The following CDC42BPG variants were observed in gnomAD, a reference collection of about 807,000 sequenced individuals.
CDC42BPG encodes CDC42 binding protein kinase gamma.
Under a neutral mutation model 192.2 loss-of-function variants are expected in CDC42BPG, and 157 were observed. The ratio of observed to expected loss-of-function variants is 0.82; its 90% confidence interval spans 0.72 to 0.93. The LOEUF is 0.93. CDC42BPG is among the 40% of genes least tolerant of loss of function. The pLI is 0.00. For missense variants in CDC42BPG, 1,992 were observed against 2,122.1 expected (o/e 0.94, Z 1.20); for synonymous variants, 981 against 918.5 (o/e 1.07, Z -1.23).
In CDC42BPG at chr11:64,839,154, T is replaced by C. The variant is rs780721371; in HGVS notation, c.755A>G (p.His252Arg). The C allele has an allele frequency of 3.1e-6, 5 of 1,613,508 alleles. No homozygotes were observed. Among genetic ancestry groups the C allele is most frequent in the Non-Finnish European group, 4.2e-6 (5 of 1,180,028 alleles). The change falls in exon 7 of 37, where the codon CAC becomes CGC. Residue 252 changes from histidine (H) to arginine (R), a missense_variant. His to Arg is a conservative substitution (Grantham distance 29, BLOSUM62 0). Around this residue, in one of 2 missense-constraint regions of CDC42BPG, gnomAD observed 1,656 missense variants for 1,844.3 expected, o/e 0.90. Coordinates refer to ENST00000342711, the MANE Select transcript of CDC42BPG (RefSeq NM_017525.3). ...CCACCAGTCACACTGTGGGCCGTAG[T>C]GGCCCTTGCCCTCCTCCATGGCCTG... ...ILQAMEEGKGHYGPQCDWWSL... is the reference protein window; with the variant it reads ...ILQAMEEGKGRYGPQCDWWSL...
intron 20 of CDC42BPG, 90 bp downstream of exon 20, chr11:64,834,175 AC>A: frequency 7.0e-7 from 1 of 1,424,252 alleles, no homozygotes; most frequent in Non-Finnish European, 9.5e-7. Context: ...TCCTGTCTCC[AC>A]CACCCTGCCA....
chr11:64,844,390 C>A lies in CDC42BPG; in HGVS notation c.160+20G>T. 1 of 1,382,894 alleles carries A rather than the reference C, an allele frequency of 7.2e-7. No homozygotes were observed. Among genetic ancestry groups the A allele is most frequent in the South Asian group, 1.6e-5 (1 of 63,072 alleles). 85.7% of individuals were successfully genotyped at this position (1,382,894 alleles called of 1,614,324 possible). ...GATATCCCTAGGCCCGCCCCCGCTC[C>A]GTGCCGCCCCGCCACTCACCCCAGC... On this transcript the variant is annotated intron_variant, in intron 1 of 36. Coordinates refer to ENST00000342711, the MANE Select transcript of CDC42BPG (RefSeq NM_017525.3).
At position 64,839,977 on chromosome 11, in the gene CDC42BPG, T is replaced by C. The variant is rs1421620124; in HGVS notation, c.581+143A>G. 4.8e-6 allele frequency: 4 copies of C among 838,354 alleles called. No homozygotes were observed. The East Asian group carries it at 1.1e-4, about 22-fold the overall frequency. 51.9% of individuals were successfully genotyped at this position (838,354 alleles called of 1,614,324 possible). On this transcript the variant is annotated intron_variant, in intron 5 of 36. Coordinates refer to ENST00000342711, the MANE Select transcript of CDC42BPG (RefSeq NM_017525.3). The stretch of plus-strand genomic sequence containing the variant: ...GCCACAGAGGGCTCTTTGGTATGAT[T>C]CCAAGGAAGCACACGGATGAGGCAC...
intron 1 of CDC42BPG, among the ~76,000 whole-genome samples, chr11:64,843,066 G>A (rs1270139130): frequency 1.3e-5 from 2 of 152,064 alleles, no homozygotes; most frequent in African/African-American, 4.8e-5. Context: ...GGACCCACCC[G>A]CCAGAAGAGG....
At chr11:64,837,426 C>A (rs1306906843) in intron 9 of CDC42BPG, among the ~76,000 whole-genome samples, 1 of 152,162 alleles carries the variant, frequency 6.6e-6, no homozygotes, top group Non-Finnish European at 1.5e-5. Context: ...GACCTCACTG[C>A]GGTCTCAGGC....
intron 36 of CDC42BPG, among the ~76,000 whole-genome samples, chr11:64,824,953 G>A (rs1416941312): frequency 6.0e-5 from 9 of 150,864 alleles, no homozygotes; most frequent in Non-Finnish European, 1.3e-4. Context: ...ACAGAGTCTC[G>A]CTCTGGAGGC....
rs760241511 is a variant in CDC42BPG at position 64,838,890 on chromosome 11, A to G, written c.889T>C (p.Phe297Leu). The G allele has an allele frequency of 4.5e-6, 4 of 893,886 alleles. No individual in the cohort carries two copies. Among genetic ancestry groups the G allele is most frequent in the Non-Finnish European group, 3.3e-6 (2 of 597,904 alleles). The allele number at this position is 893,886 out of a possible 1,614,324, so 55.4% of individuals were successfully genotyped here. A position where few individuals can be genotyped will look rare whatever the true frequency, so the allele number is the denominator to read the frequency against. The change falls in exon 8 of 37, where the codon TTC becomes CTC. Residue 297 changes from phenylalanine to leucine, a missense_variant. Transcript: ENST00000342711. ...KIMNHEDHLQFPPDVPDVPAS... is the reference protein window; with the variant it reads ...KIMNHEDHLQLPPDVPDVPAS... ...GGCACGTCAGGCACGTCCGGGGGGA[A>G]CTGCAGGTGGTCCTGTGGGTCGGGG...
In CDC42BPG at chr11:64,832,847, A is replaced by G; in HGVS notation, c.2844T>C (p.Thr948=). 6.3e-7 allele frequency: 1 copy of G among 1,579,366 alleles called. No individual in the cohort carries two copies. The highest frequency in any genetic ancestry group is 8.6e-7 in the Non-Finnish European group (1 of 1,162,878). The change falls in exon 25 of 37, where the codon ACT becomes ACC. Residue 948 remains threonine, a synonymous_variant. Transcript: ENST00000342711. The part of the protein sequence containing the change: ...LGVHPETGTG[T]AYEGFLSVPR... The stretch of plus-strand genomic sequence containing the variant: ...TCACCGACAGAAAGCCCTCATAGGC[A>G]GTGCCTGTGCCTGTTTCGGGGTGTA...
Position 64,829,577 on chromosome 11 carries a change from G to A in CDC42BPG, c.3861C>T (p.Leu1287=). 1 of 1,612,580 alleles carries A rather than the reference G, an allele frequency of 6.2e-7. No individual in the cohort carries two copies. The highest frequency in any genetic ancestry group is 2.2e-5 in the East Asian group (1 of 44,854). Residue 1287 remains leucine (L), a synonymous_variant, in exon 30 of 37, where the codon CTC becomes CTT. Coordinates refer to ENST00000342711, the MANE Select transcript of CDC42BPG (RefSeq NM_017525.3). ...TGGTGAAGAGTAGCAGGAACTCGCT[G>A]AGGCTAAGCTCCACGGCACCCAGTG... ...GEALGAVELS[L]SEFLLLFTTA...
chr11:64,841,754 G>A lies in CDC42BPG; in HGVS notation c.253-21C>T, dbSNP rs375058580. 1.1e-4 allele frequency: 175 copies of A among 1,613,604 alleles called. No individual in the cohort carries two copies. The African/African-American group carries it at 1.7e-3, about 16-fold the overall frequency. On this transcript the variant is annotated intron_variant, in intron 2 of 36. Transcript: ENST00000342711. ...GTGACCTAAGGCCACAGGGAGGACC[G>A]GGGTGAGCCCAGCCCGGTGTGAACA...
Position 64,835,625 on chromosome 11 carries a change from G to T in CDC42BPG, c.1759-4C>A, listed in dbSNP as rs1592708118. On this transcript the variant is annotated splice_region_variant and splice_polypyrimidine_tract_variant and intron_variant, in intron 14 of 36. Coordinates refer to ENST00000342711, the MANE Select transcript of CDC42BPG (RefSeq NM_017525.3). The stretch of plus-strand genomic sequence containing the variant: ...TCTCAGAGGCTGTGTGGATGGTCTT[G>T]GGGACATGGAGGGGGTCAGGGCAGA... 6.4e-7 allele frequency: 1 copy of T among 1,569,870 alleles called. No individual in the cohort carries two copies.
Position 64,834,858 on chromosome 11 carries a change from G to A in CDC42BPG, c.2166C>T (p.Ala722=), listed in dbSNP as rs199648971. The A allele has an allele frequency of 6.8e-6, 11 of 1,613,040 alleles. No individual in the cohort carries two copies. In the East Asian group the frequency reaches 2.5e-4, roughly 36 times the overall value. ...LRNVGTQTLP[A]RPLDHQWKAR... is the part of the protein sequence containing the mutation. The stretch of plus-strand genomic sequence containing the variant: ...CATCTCTGGGGCTCACCAGTGGCCG[G>A]GCAGGGAGCGTCTGGGTGCCTACGT... Residue 722 remains alanine (A), a synonymous_variant, in exon 18 of 37, where the codon GCC becomes GCT. Coordinates refer to ENST00000342711, the MANE Select transcript of CDC42BPG (RefSeq NM_017525.3).
At position 64,836,720 on chromosome 11, in the gene CDC42BPG, G is replaced by GGGGGGGGGGC. The variant is rs1565690188; in HGVS notation, c.1384+18_1384+19insGCCCCCCCCC. 1.2e-5 allele frequency: 10 copies of GGGGGGGGGGC among 843,764 alleles called. No homozygotes were observed. The highest frequency in any genetic ancestry group is 3.1e-5 in the Admixed American group (1 of 32,672). The allele number at this position is 843,764 out of a possible 1,614,324, so 52.3% of individuals were successfully genotyped here. On this transcript the variant is annotated intron_variant, in intron 11 of 36. Transcript: ENST00000342711. ...GGACTCAGCCCTGGGGGGGGGGGGG[G>GGGGGGGGGGC]GGTGGGCGGAAGGGATACCTGGCAG... is the stretch of plus-strand genomic sequence containing the variant.
chr11:64,839,245 G>A lies in CDC42BPG; in HGVS notation c.676-12C>T, dbSNP rs779604962. 6.2e-7 allele frequency: 1 copy of A among 1,612,876 alleles called. No homozygotes were observed. The highest frequency in any genetic ancestry group is 8.5e-7 in the Non-Finnish European group (1 of 1,179,892). On this transcript the variant is annotated splice_polypyrimidine_tract_variant and intron_variant, in intron 6 of 36. Transcript: ENST00000342711. ...ACTGATGAATCCACCTGTGGGTGGT[G>A]GTGGTGAAGCCATGAGGACAGCTTT...
intron 27 of CDC42BPG, 124 bp downstream of exon 27, chr11:64,832,304 T>A (rs1942731828): frequency 9.9e-7 from 1 of 1,006,138 alleles, no homozygotes; most frequent in South Asian, 1.4e-5. Context: ...GGTGCTCACG[T>A]GGAAAGCGTG....
Position 64,827,682 on chromosome 11 carries a change from T to C in CDC42BPG, c.4065+4A>G. On this transcript the variant is annotated splice_donor_region_variant and intron_variant, in intron 31 of 36. Transcript: ENST00000342711. ...GCTACCCCAGGGCTCTGGCGGACCC[T>C]CACCTTCTTGAGCGGCACGGTCTGC... 6.2e-7 allele frequency: 1 copy of C among 1,609,662 alleles called. No homozygotes were observed. The highest frequency in any genetic ancestry group is 8.5e-7 in the Non-Finnish European group (1 of 1,177,074).
Position 64,829,948 on chromosome 11 carries a change from C to T in CDC42BPG, c.3490G>A (p.Glu1164Lys). 2 of 1,612,300 alleles carry T rather than the reference C, an allele frequency of 1.2e-6. No homozygotes were observed. Among genetic ancestry groups the T allele is most frequent in the Non-Finnish European group, 1.7e-6 (2 of 1,179,664 alleles). ...SVRLFALAEL[E>K]NIEVAGAKIP... is the part of the protein sequence containing the mutation. The stretch of plus-strand genomic sequence containing the variant: ...TTGGCACCTGCTACCTCTATGTTCT[C>T]CAGCTCCGCCAGGGCAAAGAGACGC... Residue 1164 changes from glutamate to lysine, a missense_variant, in exon 30 of 37, where the codon GAG (glutamate) becomes AAG (lysine). By Grantham distance (56) the Glu-to-Lys change is moderately conservative. Around this residue, in one of 2 missense-constraint regions of CDC42BPG, gnomAD observed 1,656 missense variants for 1,844.3 expected, o/e 0.90. Coordinates refer to ENST00000342711, the MANE Select transcript of CDC42BPG (RefSeq NM_017525.3).
In CDC42BPG at chr11:64,844,441, C is replaced by A; in HGVS notation, c.129G>T (p.Arg43=). Reference sequence around the variant, plus strand: ...TCAGGAACTGCGCCACGCTGCGCTCCCGCCGTAGGGGGCCGCTGCTGAGCT... The same window carrying A: ...TCAGGAACTGCGCCACGCTGCGCTCACGCCGTAGGGGGCCGCTGCTGAGCT... ...HHELSSGPLR[R]ERSVAQFLSW... is the part of the protein sequence containing the mutation. The change falls in exon 1 of 37, where the codon CGG becomes CGT. Residue 43 remains arginine, a synonymous_variant. Transcript: ENST00000342711. 1 of 1,472,826 alleles carries A rather than the reference C, an allele frequency of 6.8e-7. No individual in the cohort carries two copies. The highest frequency in any genetic ancestry group is 9.0e-7 in the Non-Finnish European group (1 of 1,117,232). The allele number at this position is 1,472,826 out of a possible 1,614,324, so 91.2% of individuals were successfully genotyped here. A position where few individuals can be genotyped will look rare whatever the true frequency, so the allele number is the denominator to read the frequency against.
chr11:64,838,510 G>T (rs1051049599), intron 8 of CDC42BPG, 144 bp downstream of exon 8: 1 of 1,167,328 alleles, frequency 8.6e-7, no homozygotes, highest in Non-Finnish European at 1.2e-6. Context: ...GCTGGAACGG[G>T]TCAGTCTGGG....
Sources: allele counts gnomAD v4.1 joint callset (sites outside exome capture counted in the v4.1 genomes callset), GRCh38; gene constraint gnomAD v4.1.1; regional missense constraint gnomAD v4.1.1; transcripts MANE v1.5; gene names NCBI Gene and HGNC (gene_info 2026-07-23, HGNC 2026-07-21).